The following FBXL13 variants were observed in gnomAD, a reference collection of about 807,000 sequenced individuals.
The protein encoded by FBXL13 is F-box and leucine-rich repeat protein 13.
In FBXL13, 67 loss-of-function variants were observed where a neutral mutation model predicts 83.6. The ratio of observed to expected loss-of-function variants is 0.80; its 90% CI spans 0.66 to 0.98. The LOEUF is 0.98. Ranked by LOEUF, FBXL13 falls within the 50% of genes least tolerant of loss-of-function variation. FBXL13 has a pLI of 0.00. For synonymous variants in FBXL13, 272 were observed against 299.5 expected (o/e 0.91, Z 0.95); for missense variants, 822 against 866.5 (o/e 0.95, Z 0.64).
chr7:103,060,020 T>TTATATATATATATATATATA (rs772728840), intron 1 of FBXL13, among the ~76,000 whole-genome samples: 2 of 50,070 alleles, frequency 4.0e-5, no homozygotes, highest in Non-Finnish European at 8.1e-5. Context: ...GCAAGATATT[T>TTATATATATATATATATATA]TATATATATA....
chr7:102,994,309 AG>A (rs1217891217), intron 6 of FBXL13, among the ~76,000 whole-genome samples: 1 of 152,102 alleles, frequency 6.6e-6, no homozygotes, highest in African/African-American at 2.4e-5. Flanking sequence ...ACTTTAAAAA[AG>A]TTACCCTTGT....
At chr7:102,861,660 T>A (rs1166232947) in intron 16 of FBXL13, among the ~76,000 whole-genome samples, 5 of 152,176 alleles carry the variant, frequency 3.3e-5, no homozygotes, top group Non-Finnish European at 7.3e-5. Context: ...TATAGTAACA[T>A]ACTTAGGTTC....
At chr7:102,964,136 C>T (rs1585158720) in intron 7 of FBXL13, among the ~76,000 whole-genome samples, 1 of 151,916 alleles carries the variant, frequency 6.6e-6, no homozygotes, top group Non-Finnish European at 1.5e-5. Flanking sequence ...CATGGCAAAA[C>T]CCCGTCTCTA....
chr7:102,875,985 G>A (rs2129457703), intron 16 of FBXL13, among the ~76,000 whole-genome samples: 1 of 152,284 alleles, frequency 6.6e-6, no homozygotes, highest in South Asian at 2.1e-4. Flanking sequence ...TGTCTCACAA[G>A]CACCAACCCT....
intron 19 of FBXL13, among the ~76,000 whole-genome samples, chr7:102,817,513 G>A (rs74757274): frequency 0.029 from 4,430 of 152,038 alleles, 188 homozygotes; most frequent in East Asian, 0.16. Context: ...GACCTTTGTC[G>A]GATGCATAAT....
intron 19 of FBXL13, among the ~76,000 whole-genome samples, chr7:102,820,772 AACTC>A (rs1042200332): frequency 2.9e-4 from 44 of 152,356 alleles, no homozygotes; most frequent in Non-Finnish European, 4.9e-4. Flanking sequence ...CATGATAACT[AACTC>A]ACTTCCATGA....
intron 16 of FBXL13, among the ~76,000 whole-genome samples, chr7:102,855,785 A>G (rs928355774): frequency 1.3e-5 from 2 of 151,940 alleles, no homozygotes; most frequent in African/African-American, 4.8e-5. Flanking sequence ...CTTAAATACA[A>G]CATTTGGACC....
At chr7:102,846,615 C>CAA (rs763704448) in intron 17 of FBXL13, among the ~76,000 whole-genome samples, 8,201 of 122,346 alleles carry the variant, frequency 0.067, 284 homozygotes, top group South Asian at 0.093. Flanking sequence ...GACTCAGTCT[C>CAA]AAAAAAAAAA....
chr7:103,014,934 A>G (rs1223149504), intron 6 of FBXL13, among the ~76,000 whole-genome samples: 1 of 147,252 alleles, frequency 6.8e-6, no homozygotes, highest in African/African-American at 2.6e-5. Context: ...AAAAAAAAAA[A>G]AAAAAAAAAA....
At chr7:103,009,262 C>T (rs959775221) in intron 6 of FBXL13, among the ~76,000 whole-genome samples, 4 of 152,112 alleles carry the variant, frequency 2.6e-5, no homozygotes, top group East Asian at 1.9e-4. Context: ...CCACTCTCAC[C>T]GAGAGAAAAC....
At chr7:102,916,797 G>A (rs1371901065) in intron 10 of FBXL13, among the ~76,000 whole-genome samples, 1 of 150,820 alleles carries the variant, frequency 6.6e-6, no homozygotes, top group Non-Finnish European at 1.5e-5. Context: ...CTTATGGGGG[G>A]GGGTGTGAGT....
chr7:102,909,434 C>T (rs922561039), intron 11 of FBXL13, among the ~76,000 whole-genome samples: 2 of 152,138 alleles, frequency 1.3e-5, no homozygotes, highest in Admixed American at 6.5e-5. Context: ...ACTGTCCCCA[C>T]TGCTTTTCCC....
chr7:102,970,459 G>A (rs149193255), intron 6 of FBXL13, among the ~76,000 whole-genome samples: 2 of 152,284 alleles, frequency 1.3e-5, no homozygotes, highest in East Asian at 3.9e-4. Flanking sequence ...TGTTACCTTT[G>A]TAAATGGATT....
At chr7:102,941,074 A>AT (rs1012323295) in intron 8 of FBXL13, among the ~76,000 whole-genome samples, 3 of 152,240 alleles carry the variant, frequency 2.0e-5, no homozygotes, top group Non-Finnish European at 4.4e-5. Flanking sequence ...TTTTTTAAAA[A>AT]TTAGAAAAGC....
intron 8 of FBXL13, among the ~76,000 whole-genome samples, chr7:102,940,663 A>C (rs1821245463): frequency 6.6e-6 from 1 of 152,260 alleles, no homozygotes; most frequent in Non-Finnish European, 1.5e-5. Flanking sequence ...GACATATTAT[A>C]TCTAGTTCTA....
chr7:103,029,941 A>G (rs1262279109), intron 2 of FBXL13, among the ~76,000 whole-genome samples: 1 of 152,216 alleles, frequency 6.6e-6, no homozygotes, highest in African/African-American at 2.4e-5. Context: ...AACTATTCAC[A>G]ATAACATGTG....
At chr7:102,963,962 G>A (rs1825682272) in intron 7 of FBXL13, among the ~76,000 whole-genome samples, 1 of 152,118 alleles carries the variant, frequency 6.6e-6, no homozygotes, top group Admixed American at 6.6e-5. Flanking sequence ...AAATACAAGT[G>A]GCCAAGAAAT....
At chr7:102,920,976 A>C (rs1306306810) in intron 10 of FBXL13, among the ~76,000 whole-genome samples, 2 of 151,918 alleles carry the variant, frequency 1.3e-5, no homozygotes, top group Non-Finnish European at 2.9e-5. Flanking sequence ...ACATGATGAA[A>C]CCCTGTCGCT....
chr7:102,884,275 C>T (rs773005670), exon 12 of FBXL13: 3 of 1,613,716 alleles, frequency 1.9e-6, no homozygotes, highest in Admixed American at 3.3e-5. Context: ...AATTCCAGTG[C>T]AGCTGTTTGC....
Sources: allele counts gnomAD v4.1 joint callset (sites outside exome capture counted in the v4.1 genomes callset), GRCh38; gene constraint gnomAD v4.1.1; transcripts MANE v1.5; gene names NCBI Gene and HGNC (gene_info 2026-07-23, HGNC 2026-07-21).